Variants in ATG10 observed in about 807,000 individuals in gnomAD.
ATG10 encodes the protein autophagy related 10, also known as ubiquitin-like-conjugating enzyme ATG10.
ATG10 carries 30 observed loss-of-function variants against 32.1 expected under a neutral mutation model. The observed-to-expected ratio is 0.94, with a 90% CI of 0.70 to 1.27. ATG10 has a LOEUF of 1.27. Among genes scored for constraint, ATG10 ranks in the 50% most tolerant of loss-of-function variants. ATG10 has a pLI of 0.00. For missense variants in ATG10, 233 were observed against 262.3 expected (o/e 0.89, Z 0.77); for synonymous variants, 87 against 91.5 (o/e 0.95, Z 0.28).
chr5:82,054,052 CTGAT>C (rs2149743898), intron 2 of ATG10, among the ~76,000 whole-genome samples: 1 of 152,224 alleles, frequency 6.6e-6, no homozygotes, highest in East Asian at 1.9e-4. Flanking sequence ...TGCAGATTAC[CTGAT>C]TGACTCTGTT....
Position 82,101,430 on chromosome 5 carries a change from A to G in ATG10, c.216+42828A>G, listed in dbSNP as rs184967825. Among the ~76,000 whole-genome samples the G allele has an allele frequency of 4.6e-5, 7 of 152,168 alleles. No homozygotes were observed. In the East Asian group the frequency reaches 1.4e-3, roughly 29 times the overall value. ...TTTCTACTCATCTTTTTTGGCCACA[A>G]CTTGGTCTTGTGGCCATACCTGGCT... On this transcript the variant is annotated intron_variant, in intron 3 of 7. Transcript: ENST00000282185.
chr5:82,069,991 T>C (rs900186938), intron 3 of ATG10, among the ~76,000 whole-genome samples: 2 of 152,204 alleles, frequency 1.3e-5, no homozygotes, highest in African/African-American at 4.8e-5. Flanking sequence ...GCGAATTTGC[T>C]GTTTTGGATT....
At chr5:82,053,143 C>T (rs1317732244) in intron 2 of ATG10, among the ~76,000 whole-genome samples, 1 of 152,164 alleles carries the variant, frequency 6.6e-6, no homozygotes, top group Non-Finnish European at 1.5e-5. Flanking sequence ...ATGTCTTTGT[C>T]TATACATTCC....
chr5:82,196,816 T>C (rs551568544), intron 5 of ATG10, among the ~76,000 whole-genome samples: 1 of 152,328 alleles, frequency 6.6e-6, no homozygotes, highest in South Asian at 2.1e-4. Flanking sequence ...TTTTTGAAAT[T>C]GGGAAACGTA....
chr5:82,031,785 C>G (rs894821519), intron 2 of ATG10, among the ~76,000 whole-genome samples: 1 of 152,224 alleles, frequency 6.6e-6, no homozygotes, highest in African/African-American at 2.4e-5. Context: ...CACACTCTTG[C>G]ATTTGTGTCC....
chr5:82,058,405 A>T, intron 2 of ATG10, 90 bp from the exon 3 acceptor site: 1 of 896,982 alleles, frequency 1.1e-6, no homozygotes, highest in Non-Finnish European at 1.8e-6. Flanking sequence ...TTCACTGATC[A>T]GTTTGGAACT....
chr5:82,172,574 A>T (rs1654541474), intron 4 of ATG10, among the ~76,000 whole-genome samples: 1 of 152,192 alleles, frequency 6.6e-6, no homozygotes, highest in Admixed American at 6.5e-5. Context: ...TCATGTGAAG[A>T]CAAAAACTGC....
intron 3 of ATG10, among the ~76,000 whole-genome samples, chr5:82,068,716 A>G (rs1168431136): frequency 3.4e-5 from 5 of 145,750 alleles, no homozygotes; most frequent in Admixed American, 1.4e-4. Context: ...TATATCAAGT[A>G]TATATATATA....
intron 3 of ATG10, among the ~76,000 whole-genome samples, chr5:82,153,558 G>T (rs1342717085): frequency 6.6e-6 from 1 of 152,160 alleles, no homozygotes; most frequent in Non-Finnish European, 1.5e-5. Flanking sequence ...AAATCTATCT[G>T]GGTGGGTGTT....
chr5:81,974,033 TC>T (rs1467200640), intron 1 of ATG10, among the ~76,000 whole-genome samples: 1 of 152,202 alleles, frequency 6.6e-6, no homozygotes, highest in Non-Finnish European at 1.5e-5. Context: ...CGACAGTAGT[TC>T]CTGATGCCTA....
chr5:81,985,704 AG>A lies in ATG10; in HGVS notation c.-12-1854del, dbSNP rs368442812. On this transcript the variant is annotated intron_variant, in intron 1 of 7. Transcript: ENST00000282185. The stretch of plus-strand genomic sequence containing the variant: ...AGTTCAACAGCAGTTTATTTTTCTT[AG>A]AGAGACTGACTTTTATCGAGTCTTT... Among the ~76,000 whole-genome samples, 22 of 152,334 alleles carry A rather than the reference AG, an allele frequency of 1.4e-4. No individual in the cohort carries two copies. The East Asian group carries it at 3.5e-3, about 24-fold the overall frequency.
intron 5 of ATG10, among the ~76,000 whole-genome samples, chr5:82,232,251 A>G (rs1449522126): frequency 6.6e-6 from 1 of 152,218 alleles, no homozygotes; most frequent in East Asian, 1.9e-4. Flanking sequence ...GAAGAAAAAA[A>G]GTAAAGAATT....
intron 4 of ATG10, among the ~76,000 whole-genome samples, chr5:82,169,127 A>C (rs932868880): frequency 1.1e-4 from 16 of 152,150 alleles, no homozygotes; most frequent in African/African-American, 3.6e-4. Context: ...AGGATGACTT[A>C]CGGAAGAAAT....
intron 4 of ATG10, 137 bp downstream of exon 4, chr5:82,164,674 C>T: frequency 1.3e-6 from 1 of 798,300 alleles, no homozygotes; most frequent in Non-Finnish European, 1.9e-6. Context: ...AAGGTTTTAC[C>T]ACTAAATTTT....
intron 3 of ATG10, among the ~76,000 whole-genome samples, chr5:82,109,942 A>ATCCC (rs1335413402): frequency 1.1e-4 from 12 of 113,676 alleles, no homozygotes; most frequent in East Asian, 5.2e-4. Context: ...TCCTAATGCT[A>ATCCC]TCCCCCATCC....
At chr5:81,996,428 T>TG (rs1406204863) in intron 2 of ATG10, among the ~76,000 whole-genome samples, 2 of 152,074 alleles carry the variant, frequency 1.3e-5, no homozygotes, top group African/African-American at 4.8e-5. Context: ...TTTGTAGAGA[T>TG]GGGGTCACAC....
chr5:82,101,326 A>G (rs1765265983), intron 3 of ATG10, among the ~76,000 whole-genome samples: 1 of 152,114 alleles, frequency 6.6e-6, no homozygotes, highest in African/African-American at 2.4e-5. Flanking sequence ...TCCTTTTTCC[A>G]GACAGCAGGC....
chr5:82,120,912 G>GA (rs1766016408), intron 3 of ATG10, among the ~76,000 whole-genome samples: 1 of 152,208 alleles, frequency 6.6e-6, no homozygotes, highest in South Asian at 2.1e-4. Flanking sequence ...TAATATTTTT[G>GA]ACAGGAAGAT....
At chr5:82,099,945 T>C (rs1381357908) in intron 3 of ATG10, among the ~76,000 whole-genome samples, 2 of 145,824 alleles carry the variant, frequency 1.4e-5, no homozygotes, top group East Asian at 3.9e-4. Context: ...ACTAATAGAT[T>C]TTTTTTTCTT....
Sources: allele counts gnomAD v4.1 joint callset (sites outside exome capture counted in the v4.1 genomes callset), GRCh38; gene constraint gnomAD v4.1.1; transcripts MANE v1.5; gene names NCBI Gene and HGNC (gene_info 2026-07-23, HGNC 2026-07-21).